The following PIK3AP1 variants were observed in gnomAD, a reference collection of about 807,000 sequenced individuals.
PIK3AP1 encodes the protein phosphoinositide-3-kinase adaptor protein 1.
A neutral mutation model predicts 88.1 loss-of-function variants in PIK3AP1; 21 were observed. That is an observed-to-expected ratio of 0.24 (90% confidence interval 0.17 to 0.34). The LOEUF is 0.34. Among genes scored for constraint, PIK3AP1 ranks in the 10% least tolerant of loss-of-function variants. The pLI, the probability that PIK3AP1 is intolerant of heterozygous loss-of-function variation, is 1.00. For missense variants in PIK3AP1, 828 were observed against 1,035.7 expected, an observed-to-expected ratio of 0.80 and a Z score of 2.75; for synonymous variants, 398 against 400.0, an observed-to-expected ratio of 1.00 and a Z score of 0.06.
At chr10:96,645,738 T>C (rs1044382136) in intron 7 of PIK3AP1, 76 bp from the exon 8 acceptor site, 10 of 1,310,544 alleles carry the variant, frequency 7.6e-6, no homozygotes, top group Non-Finnish European at 1.0e-5. Context: ...CCGAAGGCAC[T>C]TGTGGCCAGC....
chr10:96,670,065 C>T (rs1843822351), intron 2 of PIK3AP1, among the ~76,000 whole-genome samples: 1 of 149,594 alleles, frequency 6.7e-6, no homozygotes, highest in Admixed American at 6.7e-5. Context: ...GTCCCAGCTA[C>T]TCGGGAAGCT....
chr10:96,711,354 A>T (rs1052125061), intron 1 of PIK3AP1, among the ~76,000 whole-genome samples: 1 of 152,230 alleles, frequency 6.6e-6, no homozygotes, highest in African/African-American at 2.4e-5. Flanking sequence ...CTCTTAATGT[A>T]ACTGTTACCA....
chr10:96,627,044 T>G, intron 9 of PIK3AP1, 139 bp from the exon 10 acceptor site: 1 of 755,808 alleles, frequency 1.3e-6, no homozygotes, highest in East Asian at 2.6e-5. Flanking sequence ...TATCACTTCC[T>G]GTATCGTCTG....
rs113538761 is a variant in PIK3AP1 at position 96,657,869 on chromosome 10, G to C, written c.431-935C>G. ...ACCTGAGGTCAGGAGTTTGAGACTA[G>C]CCTGACCAACATGGTGAAACCCCGT... On this transcript the variant is annotated intron_variant, in intron 2 of 16. Transcript: ENST00000339364. Among the ~76,000 whole-genome samples, 13 of 152,188 alleles carry C rather than the reference G, an allele frequency of 8.5e-5. 1 individual carries two copies. Among genetic ancestry groups the C allele is most frequent in the African/African-American group, 3.1e-4 (13 of 41,496 alleles).
At chr10:96,718,793 T>C (rs1342316265) in intron 1 of PIK3AP1, among the ~76,000 whole-genome samples, 1 of 152,160 alleles carries the variant, frequency 6.6e-6, no homozygotes, top group East Asian at 1.9e-4. Flanking sequence ...GGCCTGTTCC[T>C]GACCATGGAA....
At chr10:96,637,314 T>TCACTCACTCA (rs35300133) in intron 8 of PIK3AP1, among the ~76,000 whole-genome samples, 2 of 127,998 alleles carry the variant, frequency 1.6e-5, no homozygotes, top group Admixed American at 1.5e-4. Flanking sequence ...AGATATACAA[T>TCACTCACTCA]CACACACACA....
At chr10:96,658,286 C>G (rs1170997470) in intron 2 of PIK3AP1, among the ~76,000 whole-genome samples, 1 of 152,118 alleles carries the variant, frequency 6.6e-6, no homozygotes, top group East Asian at 1.9e-4. Flanking sequence ...TTGGCTGATT[C>G]CTGCAGCCTG....
intron 2 of PIK3AP1, among the ~76,000 whole-genome samples, chr10:96,687,043 T>G (rs1188177880): frequency 1.3e-5 from 2 of 151,938 alleles, no homozygotes; most frequent in African/African-American, 4.8e-5. Context: ...GATCACAAAG[T>G]CAGGAGATCG....
chr10:96,695,325 T>C (rs763214479), intron 2 of PIK3AP1, among the ~76,000 whole-genome samples: 1 of 152,228 alleles, frequency 6.6e-6, no homozygotes, highest in Non-Finnish European at 1.5e-5. Flanking sequence ...AGTGCTAATA[T>C]TATTCTATCT....
At chr10:96,657,821 T>C (rs921236742) in intron 2 of PIK3AP1, among the ~76,000 whole-genome samples, 2 of 152,144 alleles carry the variant, frequency 1.3e-5, no homozygotes, top group Admixed American at 6.5e-5. Context: ...CCCAGCACTT[T>C]GGGAGGCCAA....
At chr10:96,639,230 A>G (rs1247142499) in intron 8 of PIK3AP1, among the ~76,000 whole-genome samples, 3 of 152,176 alleles carry the variant, frequency 2.0e-5, no homozygotes, top group Non-Finnish European at 4.4e-5. Context: ...ACACTGGAAT[A>G]CTGACACACT....
chr10:96,669,375 G>A (rs902718922), intron 2 of PIK3AP1, among the ~76,000 whole-genome samples: 4 of 152,134 alleles, frequency 2.6e-5, no homozygotes, highest in African/African-American at 9.7e-5. Context: ...AAGTGTCTAC[G>A]GAACACATCT....
chr10:96,701,422 T>G (rs569893473), intron 2 of PIK3AP1, among the ~76,000 whole-genome samples: 2 of 152,306 alleles, frequency 1.3e-5, no homozygotes, highest in East Asian at 1.9e-4. Context: ...CTCTGAACCT[T>G]AGTTTTCTCA....
chr10:96,653,419 A>AAAC (rs1554958498), intron 3 of PIK3AP1, among the ~76,000 whole-genome samples: 2 of 149,012 alleles, frequency 1.3e-5, no homozygotes, highest in African/African-American at 5.0e-5. Flanking sequence ...AAAAAAAAAA[A>AAAC]ACACACACAC....
chr10:96,693,350 C>T (rs779760629), intron 2 of PIK3AP1, among the ~76,000 whole-genome samples: 88 of 151,720 alleles, frequency 5.8e-4, no homozygotes, highest in East Asian at 5.8e-4. Flanking sequence ...ACAAAATGGG[C>T]GAATAAATGA....
chr10:96,658,063 C>CAAAAAAAAAAA (rs10706863), intron 2 of PIK3AP1, among the ~76,000 whole-genome samples: 1 of 113,942 alleles, frequency 8.8e-6, no homozygotes, highest in African/African-American at 3.2e-5. Flanking sequence ...AACTCCATCT[C>CAAAAAAAAAAA]AAAAAAAAAA....
At chr10:96,703,982 GGGTGGGAA>G (rs956380268) in intron 2 of PIK3AP1, among the ~76,000 whole-genome samples, 1 of 152,164 alleles carries the variant, frequency 6.6e-6, no homozygotes, top group Non-Finnish European at 1.5e-5. Context: ...TTGGAGAGTG[GGGTGGGAA>G]ATAAAACCTC....
At chr10:96,654,475 G>A (rs940701030) in intron 3 of PIK3AP1, among the ~76,000 whole-genome samples, 1 of 152,160 alleles carries the variant, frequency 6.6e-6, no homozygotes, top group Non-Finnish European at 1.5e-5. Flanking sequence ...CCTGGCTCCT[G>A]GGGCTGCTGA....
intron 2 of PIK3AP1, among the ~76,000 whole-genome samples, chr10:96,708,165 C>G (rs992003302): frequency 2.6e-5 from 4 of 152,158 alleles, no homozygotes; most frequent in African/African-American, 9.7e-5. Context: ...ACAGTTAAAT[C>G]AGGACCATAA....
Sources: allele counts gnomAD v4.1 joint callset (sites outside exome capture counted in the v4.1 genomes callset), GRCh38; gene constraint gnomAD v4.1.1; transcripts MANE v1.5; gene names NCBI Gene and HGNC (gene_info 2026-07-23, HGNC 2026-07-21).